CCSER1: variants seen among roughly 807,000 people sequenced by gnomAD.
CCSER1 encodes the protein serine-rich coiled-coil domain-containing protein 1.
CCSER1 carries 41 observed loss-of-function variants against 82.0 expected under a neutral mutation model. The observed-to-expected ratio is 0.50, with a 90% CI of 0.39 to 0.65. The LOEUF (loss-of-function observed/expected upper bound fraction) is 0.65. CCSER1 is among the 30% of genes least tolerant of loss of function. CCSER1 has a pLI of 0.00. For synonymous variants in CCSER1, 414 were observed against 383.9 expected (o/e 1.08, Z -0.92); for missense variants, 1,119 against 1,064.2 (o/e 1.05, Z -0.72).
intron 4 of CCSER1, among the ~76,000 whole-genome samples, chr4:90,452,001 A>G (rs1232507643): frequency 2.6e-5 from 4 of 152,110 alleles, no homozygotes; most frequent in Non-Finnish European, 5.9e-5. Flanking sequence ...AATAAGTATA[A>G]ATGTTAACTG....
At chr4:90,767,363 A>G (rs961809920) in intron 7 of CCSER1, among the ~76,000 whole-genome samples, 2 of 152,094 alleles carry the variant, frequency 1.3e-5, no homozygotes, top group African/African-American at 4.8e-5. Context: ...TGGATTTGCA[A>G]TTTCACTGAT....
chr4:91,248,865 C>A (rs990561073), intron 10 of CCSER1, among the ~76,000 whole-genome samples: 3 of 152,064 alleles, frequency 2.0e-5, no homozygotes, highest in Admixed American at 2.0e-4. Flanking sequence ...GGATTCTATA[C>A]TACCTTTACA....
intron 3 of CCSER1, among the ~76,000 whole-genome samples, chr4:90,342,364 C>T (rs1019248822): frequency 6.6e-6 from 1 of 152,148 alleles, no homozygotes; most frequent in Admixed American, 6.5e-5. Flanking sequence ...CGTCTCTTGT[C>T]ATCTTGCTCT....
intron 10 of CCSER1, among the ~76,000 whole-genome samples, chr4:91,342,768 C>G (rs1747801558): frequency 1.3e-5 from 2 of 152,016 alleles, no homozygotes; most frequent in Non-Finnish European, 1.5e-5. Context: ...GGTTGTATGC[C>G]TATTGTCAGG....
At chr4:90,617,801 T>C (rs1721568176) in intron 5 of CCSER1, among the ~76,000 whole-genome samples, 1 of 152,150 alleles carries the variant, frequency 6.6e-6, no homozygotes, top group Non-Finnish European at 1.5e-5. Flanking sequence ...TTATCCCTTC[T>C]GAGGTCTAGC....
At chr4:91,222,830 G>A (rs973695369) in intron 10 of CCSER1, among the ~76,000 whole-genome samples, 3 of 152,134 alleles carry the variant, frequency 2.0e-5, no homozygotes, top group Non-Finnish European at 2.9e-5. Flanking sequence ...GACTTTAAAT[G>A]TTAATTAATT....
At chr4:90,563,508 AT>A (rs1779024759) in intron 5 of CCSER1, among the ~76,000 whole-genome samples, 1 of 151,756 alleles carries the variant, frequency 6.6e-6, no homozygotes, top group South Asian at 2.1e-4. Flanking sequence ...TATGTCAGCA[AT>A]TTTTTTCTAT....
chr4:91,464,573 A>G (rs990167162), intron 10 of CCSER1, among the ~76,000 whole-genome samples: 1 of 152,174 alleles, frequency 6.6e-6, no homozygotes, highest in South Asian at 2.1e-4. Flanking sequence ...CAGATAAAGA[A>G]TCAAGACCCA....
At chr4:90,690,803 A>G (rs1735687560) in intron 6 of CCSER1, among the ~76,000 whole-genome samples, 1 of 152,014 alleles carries the variant, frequency 6.6e-6, no homozygotes, top group East Asian at 1.9e-4. Flanking sequence ...ACCATTTGGG[A>G]TTGAATTCCT....
chr4:91,486,000 C>A (rs1445281838), intron 10 of CCSER1, among the ~76,000 whole-genome samples: 1 of 151,822 alleles, frequency 6.6e-6, no homozygotes, highest in Non-Finnish European at 1.5e-5. Flanking sequence ...AACAAGTTTT[C>A]TTTTTAATGT....
At chr4:90,707,537 AAATAT>A (rs1439957739) in intron 6 of CCSER1, among the ~76,000 whole-genome samples, 14 of 138,104 alleles carry the variant, frequency 1.0e-4, no homozygotes, top group African/African-American at 4.0e-4. Context: ...CTTAAAAAAA[AAATAT>A]ATATATATAT....
chr4:90,467,169 G>C (rs1036773678), intron 4 of CCSER1, among the ~76,000 whole-genome samples: 2 of 152,010 alleles, frequency 1.3e-5, no homozygotes, highest in African/African-American at 4.8e-5. Context: ...GGCGTATCAT[G>C]AGGTCAAGAG....
chr4:91,331,039 C>T (rs546290635), intron 10 of CCSER1, among the ~76,000 whole-genome samples: 8 of 152,170 alleles, frequency 5.3e-5, no homozygotes, highest in East Asian at 1.9e-4. Context: ...GTGTGTGTAG[C>T]GTTCAGTATT....
chr4:90,761,146 T>A (rs1750352649), intron 7 of CCSER1, among the ~76,000 whole-genome samples: 1 of 152,126 alleles, frequency 6.6e-6, no homozygotes, highest in African/African-American at 2.4e-5. Flanking sequence ...AAACGGTAGA[T>A]GATGCTGTCG....
intron 5 of CCSER1, among the ~76,000 whole-genome samples, chr4:90,512,215 T>C (rs1325778807): frequency 1.3e-5 from 2 of 151,770 alleles, no homozygotes; most frequent in Non-Finnish European, 2.9e-5. Flanking sequence ...TTCCCACCTC[T>C]CCTTTCACTG....
chr4:90,711,672 G>A (rs1282391900), intron 6 of CCSER1, among the ~76,000 whole-genome samples: 2 of 151,560 alleles, frequency 1.3e-5, no homozygotes, highest in Non-Finnish European at 2.9e-5. Context: ...TGCATCCCAG[G>A]GATGCAGCCA....
chr4:90,458,940 G>A (rs376500000), intron 4 of CCSER1, among the ~76,000 whole-genome samples: 1 of 152,090 alleles, frequency 6.6e-6, no homozygotes, highest in Non-Finnish European at 1.5e-5. Context: ...TGCCGATAAA[G>A]TTTTTAATAG....
chr4:90,924,124 A>G (rs1414622303), intron 9 of CCSER1, among the ~76,000 whole-genome samples: 1 of 152,174 alleles, frequency 6.6e-6, no homozygotes, highest in Non-Finnish European at 1.5e-5. Context: ...CTTCCTCTTG[A>G]TGAAAAAATA....
chr4:90,841,083 C>T (rs1762510825), intron 8 of CCSER1, among the ~76,000 whole-genome samples: 1 of 152,104 alleles, frequency 6.6e-6, no homozygotes, highest in African/African-American at 2.4e-5. Context: ...TAAGTTGTCA[C>T]TAAATGATGC....
Sources: gnomAD v4.1 joint callset for allele counts (sites outside exome capture counted in the v4.1 genomes callset) on GRCh38, gnomAD v4.1.1 for gene constraint, MANE v1.5 for transcripts, NCBI Gene and HGNC (gene_info 2026-07-23, HGNC 2026-07-21) for gene names.